Variants in HGF observed in about 807,000 individuals in gnomAD.
HGF encodes fibroblast-derived tumor cytotoxic factor.
In HGF, 39 loss-of-function variants were observed where a neutral mutation model predicts 111.6. That is an observed-to-expected ratio of 0.35 (90% CI 0.27 to 0.46). The LOEUF (loss-of-function observed/expected upper bound fraction) is 0.46. Among genes scored for constraint, HGF ranks in the 20% least tolerant of loss-of-function variants. The pLI is 1.00. For synonymous variants in HGF, 285 were observed against 294.8 expected, an observed-to-expected ratio of 0.97 and a Z score of 0.34; for missense variants, 735 against 910.5, an observed-to-expected ratio of 0.81 and a Z score of 2.48.
At chr7:81,718,398 T>G (rs1329457773) in intron 10 of HGF, among the ~76,000 whole-genome samples, 1 of 152,142 alleles carries the variant, frequency 6.6e-6, no homozygotes, top group Non-Finnish European at 1.5e-5. Flanking sequence ...AGAGGAAAAC[T>G]AATTGGTGTA....
chr7:81,704,096 T>C (rs1325556994), intron 17 of HGF, among the ~76,000 whole-genome samples: 4 of 151,820 alleles, frequency 2.6e-5, no homozygotes. Context: ...GTCAGTGACA[T>C]ATATATTTTT....
intron 17 of HGF, among the ~76,000 whole-genome samples, 174 bp downstream of exon 17, chr7:81,705,216 C>T (rs1021000461): frequency 2.6e-5 from 4 of 151,858 alleles, no homozygotes; most frequent in African/African-American, 4.8e-5. Flanking sequence ...TTGATTATCT[C>T]ACTGCTTAGT....
intron 7 of HGF, among the ~76,000 whole-genome samples, chr7:81,731,981 T>C (rs1185717433): frequency 1.3e-5 from 2 of 152,152 alleles, no homozygotes; most frequent in Non-Finnish European, 2.9e-5. Flanking sequence ...CTCATAGACT[T>C]CATTGTCTGC....
In HGF at chr7:81,720,750, T is replaced by C; in HGVS notation, c.1266A>G (p.Leu422=). The C allele has an allele frequency of 6.3e-7, 1 of 1,585,664 alleles. No homozygotes were observed. Among genetic ancestry groups the C allele is most frequent in the Non-Finnish European group, 8.7e-7 (1 of 1,154,110 alleles). Residue 422 remains leucine (L), a synonymous_variant, in exon 10 of 18, where the codon TTA becomes TTG. Coordinates refer to ENST00000222390, the MANE Select transcript of HGF (RefSeq NM_000601.6). ...AAAGGAAGAAATTTACACACCGATG[T>C]AAGTCTTCCATGTTCTTGTCCCACA... The part of the protein sequence containing the change: ...CSMWDKNMED[L]HRHIFWEPDA...
intron 3 of HGF, among the ~76,000 whole-genome samples, chr7:81,757,776 T>C (rs1788853306): frequency 6.6e-6 from 1 of 152,116 alleles, no homozygotes; most frequent in Non-Finnish European, 1.5e-5. Flanking sequence ...TTAGTTTCCA[T>C]ATTTTTGCAA....
chr7:81,756,450 G>A (rs765349959), intron 4 of HGF: 181 of 180,208 alleles, frequency 1.0e-3, no homozygotes, highest in Middle Eastern at 2.4e-3. Context: ...GTCAGTATTA[G>A]ATATCTATGT....
At chr7:81,721,257 G>GAAA (rs148152282) in intron 9 of HGF, among the ~76,000 whole-genome samples, 3 of 146,306 alleles carry the variant, frequency 2.1e-5, no homozygotes, top group African/African-American at 7.4e-5. Context: ...AAAACAAAAA[G>GAAA]AAAAAAAAAA....
At chr7:81,715,278 T>G (rs541731532) in intron 11 of HGF, among the ~76,000 whole-genome samples, 8 of 152,096 alleles carry the variant, frequency 5.3e-5, no homozygotes, top group Admixed American at 1.3e-4. Context: ...TGAGCCTCCA[T>G]TAGTCTTAAC....
intron 1 of HGF, 183 bp from the exon 2 acceptor site, chr7:81,763,055 A>T: frequency 1.7e-6 from 1 of 578,462 alleles, no homozygotes; most frequent in South Asian, 2.2e-5. Context: ...GAATATTGTA[A>T]TCAAGGAAAA....
chr7:81,704,997 G>T (rs970523241), intron 17 of HGF, among the ~76,000 whole-genome samples: 4 of 151,780 alleles, frequency 2.6e-5, no homozygotes, highest in African/African-American at 9.7e-5. Context: ...TTAAAGCCAG[G>T]CATCTCTGAA....
intron 13 of HGF, among the ~76,000 whole-genome samples, chr7:81,708,524 C>CTTTTTTTTTTTTTTT (rs3081099): frequency 6.9e-5 from 5 of 72,472 alleles, no homozygotes; most frequent in African/African-American, 1.1e-4. Flanking sequence ...TTCCTTCCTT[C>CTTTTTTTTTTTTTTT]TTTTTTTTTT....
intron 7 of HGF, among the ~76,000 whole-genome samples, chr7:81,741,811 G>A (rs1189648527): frequency 6.6e-6 from 1 of 151,714 alleles, no homozygotes; most frequent in Non-Finnish European, 1.5e-5. Flanking sequence ...GGTGGTGCAT[G>A]CCTGTAATCC....
chr7:81,748,966 A>G (rs1034503482), intron 5 of HGF, among the ~76,000 whole-genome samples: 5 of 152,200 alleles, frequency 3.3e-5, no homozygotes, highest in Admixed American at 6.5e-5. Context: ...AAGTATCTGA[A>G]TCTATTTTTA....
At chr7:81,706,549 T>C (rs1188057615) in intron 14 of HGF, 122 bp from the exon 15 acceptor site, 3 of 766,452 alleles carry the variant, frequency 3.9e-6, no homozygotes, top group Admixed American at 4.6e-5. Context: ...ATTTGATTCA[T>C]AGTATAATAA....
chr7:81,744,830 T>C (rs999726352), intron 6 of HGF, among the ~76,000 whole-genome samples, 170 bp downstream of exon 6: 2 of 152,172 alleles, frequency 1.3e-5, no homozygotes, highest in Non-Finnish European at 2.9e-5. Context: ...CCAAATATAA[T>C]GGCCAGAAAT....
chr7:81,707,531 A>G (rs1348986024), intron 13 of HGF, among the ~76,000 whole-genome samples, 167 bp from the exon 14 acceptor site: 1 of 152,144 alleles, frequency 6.6e-6, no homozygotes, highest in Non-Finnish European at 1.5e-5. Flanking sequence ...CTGAAGGGTG[A>G]TATTTGGTGA....
chr7:81,732,674 T>A (rs552865279), intron 7 of HGF, among the ~76,000 whole-genome samples: 1 of 152,112 alleles, frequency 6.6e-6, no homozygotes, highest in Non-Finnish European at 1.5e-5. Flanking sequence ...GTTATCACAA[T>A]TCATTAAAAA....
chr7:81,755,603 A>C (rs1417767061), intron 4 of HGF: 1 of 163,940 alleles, frequency 6.1e-6, no homozygotes, highest in Non-Finnish European at 1.3e-5. Flanking sequence ...AATCTAATGC[A>C]TTCTCCTGGA....
chr7:81,717,153 C>T (rs1284406978), intron 11 of HGF, 79 bp downstream of exon 11: 1 of 1,424,330 alleles, frequency 7.0e-7, no homozygotes, highest in Non-Finnish European at 9.9e-7. Context: ...GCCAGACCAC[C>T]TATATTATTT....
Sources: allele counts gnomAD v4.1 joint callset (sites outside exome capture counted in the v4.1 genomes callset), GRCh38; gene constraint gnomAD v4.1.1; transcripts MANE v1.5; gene names NCBI Gene and HGNC (gene_info 2026-07-23, HGNC 2026-07-21).